The following TPX2 variants were observed in gnomAD, a reference collection of about 807,000 sequenced individuals.
TPX2 encodes TPX2 microtubule nucleation factor, also known as targeting protein for Xklp2.
Under a neutral mutation model 93.6 loss-of-function variants are expected in TPX2, and 21 were observed. The ratio of observed to expected loss-of-function variants is 0.22; its 90% confidence interval spans 0.16 to 0.32. TPX2 has a LOEUF of 0.32. TPX2 is among the 10% of genes least tolerant of loss of function. The probability of loss-of-function intolerance (pLI) is 1.00; values close to 1 mark genes in which losing one functional copy is unlikely to be tolerated. For missense variants in TPX2, 776 were observed against 871.1 expected, an observed-to-expected ratio of 0.89 and a Z score of 1.37; for synonymous variants, 281 against 298.3, an observed-to-expected ratio of 0.94 and a Z score of 0.60.
At chr20:31,795,201 T>G (rs2062130070) in intron 15 of TPX2, among the ~76,000 whole-genome samples, 1 of 152,064 alleles carries the variant, frequency 6.6e-6, no homozygotes, top group South Asian at 2.1e-4. Flanking sequence ...TAGTGCGATC[T>G]CGGCTCACTG....
At chr20:31,743,779 T>C (rs1479845138) in intron 2 of TPX2, among the ~76,000 whole-genome samples, 1 of 148,362 alleles carries the variant, frequency 6.7e-6, no homozygotes, top group Non-Finnish European at 1.5e-5. Flanking sequence ...CAGGCTGGAG[T>C]GCAATGGTGC....
At chr20:31,797,754 G>A (rs6119725) in intron 16 of TPX2, among the ~76,000 whole-genome samples, 1 of 152,012 alleles carries the variant, frequency 6.6e-6, no homozygotes, top group Non-Finnish European at 1.5e-5. Context: ...GAAGCAGCTG[G>A]CATTTCAACA....
At position 31,792,754 on chromosome 20, in the gene TPX2, T is replaced by G. The variant is rs2062110134; in HGVS notation, c.1433T>G (p.Val478Gly). Residue 478 changes from valine (V) to glycine (G), a missense_variant, in exon 13 of 18, where the codon GTA becomes GGA. Physicochemically the swap from Val to Gly is moderately radical, Grantham distance 109 (BLOSUM62 -3). This residue lies in a region of TPX2 where 461 missense variants were observed against 551.2 expected (regional missense o/e 0.84). Coordinates refer to ENST00000300403, the MANE Select transcript of TPX2 (RefSeq NM_012112.5). ...EDVVGVPEKKVLPITVPKSPA... is the reference protein window; with the variant it reads ...EDVVGVPEKKGLPITVPKSPA... ...TTTCAGGGTGTTCCTGAAAAGAAGG[T>G]ACTTCCAATCACCGTCCCCAAGTCA... 2 of 1,614,100 alleles carry G rather than the reference T, an allele frequency of 1.2e-6. No homozygotes were observed. Among genetic ancestry groups the G allele is most frequent in the African/African-American group, 1.3e-5 (1 of 74,948 alleles).
In TPX2 at chr20:31,758,145, T is replaced by C. The variant is rs77647098; in HGVS notation, c.106+563T>C. Among the ~76,000 whole-genome samples, 225 of 148,950 alleles carry C rather than the reference T, an allele frequency of 1.5e-3. 2 individuals carry two copies. The highest frequency in any genetic ancestry group is 5.3e-3 in the African/African-American group (214 of 40,322). On this transcript the variant is annotated intron_variant, in intron 3 of 17. Coordinates refer to ENST00000300403, the MANE Select transcript of TPX2 (RefSeq NM_012112.5). The stretch of plus-strand genomic sequence containing the variant: ...TTTTTTTTTTTTTTTTTTTTGAGGC[T>C]GTAGTCTCGCTCTGTTGCCCAGGCT...
At chr20:31,796,507 C>T (rs149696669) in intron 15 of TPX2, among the ~76,000 whole-genome samples, 23 of 152,206 alleles carry the variant, frequency 1.5e-4, no homozygotes, top group Non-Finnish European at 2.6e-4. Context: ...GCTAAATCTC[C>T]GAATCTTCTT....
chr20:31,759,966 G>C (rs774508313), intron 3 of TPX2, 91 bp from the exon 4 acceptor site: 43 of 1,548,490 alleles, frequency 2.8e-5, no homozygotes, highest in Non-Finnish European at 2.4e-5. Flanking sequence ...AAGTGTACTG[G>C]TAGGGAGCTT....
chr20:31,766,759 T>C, intron 5 of TPX2, 77 bp downstream of exon 5: 5 of 1,506,974 alleles, frequency 3.3e-6, no homozygotes, highest in South Asian at 2.6e-5. Context: ...ACATCTATTA[T>C]GTGTCTATAC....
chr20:31,759,560 T>C (rs1160680923), intron 3 of TPX2, among the ~76,000 whole-genome samples: 1 of 151,980 alleles, frequency 6.6e-6, no homozygotes, highest in African/African-American at 2.4e-5. Context: ...CCACCACGCC[T>C]GGCTAATTTT....
intron 2 of TPX2, among the ~76,000 whole-genome samples, chr20:31,753,712 T>A (rs2061833769): frequency 6.6e-6 from 1 of 152,188 alleles, no homozygotes; most frequent in South Asian, 2.1e-4. Context: ...TGTCACTGTA[T>A]AAATGAAATA....
At chr20:31,782,466 A>G (rs2062039122) in intron 11 of TPX2, 76 bp downstream of exon 11, 1 of 1,516,636 alleles carries the variant, frequency 6.6e-7, no homozygotes, top group Non-Finnish European at 8.8e-7. Flanking sequence ...TTAGGGTGAC[A>G]GTTGCTATTT....
chr20:31,787,967 A>C (rs1267264170), intron 12 of TPX2, among the ~76,000 whole-genome samples: 1 of 152,076 alleles, frequency 6.6e-6, no homozygotes, highest in African/African-American at 2.4e-5. Flanking sequence ...GGAGGTATGT[A>C]CCTTTTTCAT....
At chr20:31,798,730 A>G (rs2062153129) in intron 17 of TPX2, among the ~76,000 whole-genome samples, 178 bp downstream of exon 17, 1 of 152,230 alleles carries the variant, frequency 6.6e-6, no homozygotes, top group Admixed American at 6.5e-5. Context: ...GAATGAAGCT[A>G]ACGATGTGTA....
chr20:31,798,377 G>GT lies in TPX2; in HGVS notation c.1960dup (p.Ser654PhefsTer12), dbSNP rs759765582. The GT allele has an allele frequency of 3.1e-6, 5 of 1,613,950 alleles. No individual in the cohort carries two copies. Among genetic ancestry groups the GT allele is most frequent in the Non-Finnish European group, 3.4e-6 (4 of 1,179,998 alleles). ...TTTCTGTACTTAGAGGGCCTTTCTG[G>GT]TTCTCTAGTTCAGGAACCTTTTCAG... On this transcript the variant is annotated frameshift_variant, in exon 17 of 18. Transcript: ENST00000300403. LOFTEE classifies it high-confidence loss of function.
At position 31,757,507 on chromosome 20, in the gene TPX2, G is replaced by A. The variant is rs2061859583; in HGVS notation, c.31G>A (p.Asp11Asn). Residue 11 changes from aspartate (D) to asparagine (N), a missense_variant, in exon 3 of 18, where the codon GAT becomes AAT. This residue lies in a region of TPX2 where 36 missense variants were observed against 58.3 expected (regional missense o/e 0.62). Coordinates refer to ENST00000300403, the MANE Select transcript of TPX2 (RefSeq NM_012112.5). ...ACAAGTTAAAAGCTCTTATTCCTAT[G>A]ATGCCCCCTCGGATTTCATCAATTT... is the stretch of plus-strand genomic sequence containing the variant. MSQVKSSYSY[D>N]APSDFINFSS... is the part of the protein sequence containing the mutation. 1 of 1,613,952 alleles carries A rather than the reference G, an allele frequency of 6.2e-7. No individual in the cohort carries two copies. The highest frequency in any genetic ancestry group is 1.3e-5 in the African/African-American group (1 of 74,924).
intron 2 of TPX2, among the ~76,000 whole-genome samples, chr20:31,749,906 C>G (rs948101486): frequency 5.3e-5 from 8 of 151,736 alleles, no homozygotes; most frequent in Non-Finnish European, 1.2e-4. Context: ...ATATAGAAAT[C>G]TTATTATTTG....
rs2061842094 is a variant in TPX2, at chr20:31,754,893, AG to A, written c.-70-2513del. ...TCAATGATTCATTTAAAAAAATAAT[AG>A]TTTGTATATATATGAGGGAGAAGAC... On this transcript the variant is annotated intron_variant, in intron 2 of 17. Coordinates refer to ENST00000300403, the MANE Select transcript of TPX2 (RefSeq NM_012112.5). Among the ~76,000 whole-genome samples, 3 of 152,238 alleles carry A rather than the reference AG, an allele frequency of 2.0e-5. No individual in the cohort carries two copies. In the East Asian group the frequency reaches 5.8e-4, roughly 29 times the overall value.
intron 7 of TPX2, among the ~76,000 whole-genome samples, chr20:31,772,971 CTTTTTTT>C (rs558541526): frequency 1.0e-5 from 1 of 96,480 alleles, no homozygotes; most frequent in Non-Finnish European, 2.0e-5. Flanking sequence ...GTGCCATCGG[CTTTTTTT>C]TTTTTTTTTT....
chr20:31,742,325 G>T (rs1397617941), intron 1 of TPX2, among the ~76,000 whole-genome samples: 1 of 151,980 alleles, frequency 6.6e-6, no homozygotes, highest in East Asian at 1.9e-4. Flanking sequence ...TTGCAGGCGT[G>T]CACCACCATG....
intron 2 of TPX2, among the ~76,000 whole-genome samples, chr20:31,746,871 C>T (rs2061786309): frequency 6.6e-6 from 1 of 152,204 alleles, no homozygotes; most frequent in African/African-American, 2.4e-5. Flanking sequence ...TATTTGTCTT[C>T]CCCTTCCATT....
Sources: allele counts gnomAD v4.1 joint callset (sites outside exome capture counted in the v4.1 genomes callset), GRCh38; gene constraint gnomAD v4.1.1; regional missense constraint gnomAD v4.1.1; transcripts MANE v1.5; gene names NCBI Gene and HGNC (gene_info 2026-07-23, HGNC 2026-07-21).